The following TENM4 variants were observed in gnomAD, a reference collection of about 807,000 sequenced individuals.
TENM4 encodes the protein teneurin-4.
Under a neutral mutation model 243.3 loss-of-function variants are expected in TENM4, and 82 were observed. The ratio of observed to expected loss-of-function variants is 0.34; its 90% CI spans 0.28 to 0.40. The LOEUF (loss-of-function observed/expected upper bound fraction) is 0.40, where lower values mean the gene tolerates loss of function less well. Among genes scored for constraint, TENM4 ranks in the 10% least tolerant of loss-of-function variants. TENM4 has a pLI of 1.00. For synonymous variants in TENM4, 1,412 were observed against 1,456.3 expected (o/e 0.97, Z 0.69); for missense variants, 3,138 against 3,673.3 (o/e 0.85, Z 3.77).
Position 78,653,323 on chromosome 11 carries a change from G to A in TENM4, c.*4735C>T, listed in dbSNP as rs1356770119. ...CTTTATTTGTCAACGAAGGCTACAC[G>A]GGATCACTTCTGGTTTTGTTTTTAT... On this transcript the variant is annotated 3_prime_UTR_variant, in exon 34 of 34. Coordinates refer to ENST00000278550, the MANE Select transcript of TENM4 (RefSeq NM_001098816.3). The A allele has an allele frequency of 2.0e-5, 3 of 152,100 alleles. No homozygotes were observed. The highest frequency in any genetic ancestry group is 1.9e-4 in the East Asian group (1 of 5,202). 9.4% of individuals were successfully genotyped at this position (152,100 alleles called of 1,614,324 possible).
chr11:79,226,168 C>CTGCA (rs1307917623), intron 2 of TENM4, among the ~76,000 whole-genome samples: 1 of 152,218 alleles, frequency 6.6e-6, no homozygotes, highest in African/African-American at 2.4e-5. Context: ...CCAAACACAA[C>CTGCA]TGCATGCCTG....
chr11:78,868,982 A>G (rs1859056518), intron 9 of TENM4, among the ~76,000 whole-genome samples: 1 of 152,102 alleles, frequency 6.6e-6, no homozygotes, highest in Non-Finnish European at 1.5e-5. Context: ...ATGGTCCTCT[A>G]ATGGGGTGAA....
At chr11:78,931,507 T>C (rs1856668546) in intron 6 of TENM4, among the ~76,000 whole-genome samples, 2 of 152,194 alleles carry the variant, frequency 1.3e-5, no homozygotes, top group South Asian at 4.1e-4. Flanking sequence ...AAAAGTGAAG[T>C]CAGTAAATAT....
chr11:79,015,318 T>C (rs999089074), intron 6 of TENM4, among the ~76,000 whole-genome samples: 6 of 152,000 alleles, frequency 3.9e-5, no homozygotes, highest in African/African-American at 1.4e-4. Context: ...TCAAACACCT[T>C]TGCTGCACTG....
chr11:78,963,642 G>T (rs1450408327), intron 6 of TENM4, among the ~76,000 whole-genome samples: 2 of 152,116 alleles, frequency 1.3e-5, no homozygotes, highest in East Asian at 3.9e-4. Context: ...TGCAGGGTAG[G>T]GTGGGAAGCT....
At chr11:78,880,886 G>A (rs550368427) in intron 9 of TENM4, among the ~76,000 whole-genome samples, 20 of 152,282 alleles carry the variant, frequency 1.3e-4, no homozygotes, top group Non-Finnish European at 2.8e-4. Context: ...ATAGATGAGT[G>A]ATTGCCAGAG....
chr11:79,060,716 T>C (rs547322340), intron 6 of TENM4, among the ~76,000 whole-genome samples: 6 of 152,306 alleles, frequency 3.9e-5, no homozygotes, highest in Admixed American at 6.5e-5. Context: ...ACTCGCAGGC[T>C]ATTGTGTCTC....
At chr11:79,381,333 A>G (rs77225476) in intron 1 of TENM4, among the ~76,000 whole-genome samples, 5 of 46,478 alleles carry the variant, frequency 1.1e-4, no homozygotes, top group East Asian at 1.2e-3. Flanking sequence ...AATGGCCTGG[A>G]AAAAAAAAAA....
At chr11:78,731,429 G>A (rs1333026015) in intron 21 of TENM4, among the ~76,000 whole-genome samples, 1 of 152,220 alleles carries the variant, frequency 6.6e-6, no homozygotes, top group African/African-American at 2.4e-5. Flanking sequence ...ACGGAAAGGT[G>A]TTTGCTCAGC....
chr11:79,178,136 G>T (rs1863205713), intron 3 of TENM4, among the ~76,000 whole-genome samples: 1 of 152,160 alleles, frequency 6.6e-6, no homozygotes, highest in Admixed American at 6.5e-5. Flanking sequence ...GGATGTGAGA[G>T]AAAGGGGAGA....
At chr11:78,696,558 A>G (rs994418841) in intron 28 of TENM4, among the ~76,000 whole-genome samples, 3 of 152,164 alleles carry the variant, frequency 2.0e-5, no homozygotes, top group Non-Finnish European at 4.4e-5. Context: ...GGTTTGGGTT[A>G]ACCTAGGATT....
At chr11:79,075,522 T>C (rs1860518165) in intron 4 of TENM4, among the ~76,000 whole-genome samples, 1 of 152,244 alleles carries the variant, frequency 6.6e-6, no homozygotes, top group South Asian at 2.1e-4. Context: ...ATCATCATTA[T>C]TGTGTTGTTA....
At chr11:79,227,437 C>T (rs910631897) in intron 2 of TENM4, among the ~76,000 whole-genome samples, 10 of 152,182 alleles carry the variant, frequency 6.6e-5, no homozygotes, top group African/African-American at 1.7e-4. Context: ...GACTGATAAA[C>T]GTGCTGAGAA....
intron 2 of TENM4, among the ~76,000 whole-genome samples, chr11:79,292,375 G>A (rs979552270): frequency 3.9e-5 from 6 of 152,158 alleles, no homozygotes; most frequent in Admixed American, 2.6e-4. Context: ...GAGCTCAAAC[G>A]ACTGTACCTC....
chr11:79,157,783 T>C (rs1053177507), intron 3 of TENM4, among the ~76,000 whole-genome samples: 2 of 152,190 alleles, frequency 1.3e-5, no homozygotes, highest in Admixed American at 6.5e-5. Context: ...CTGTACTGTA[T>C]TGGTAAATTC....
chr11:79,090,909 A>G (rs1273121886), intron 4 of TENM4, among the ~76,000 whole-genome samples: 4 of 152,120 alleles, frequency 2.6e-5, no homozygotes, highest in Non-Finnish European at 5.9e-5. Flanking sequence ...GAAACAGATA[A>G]TCCCCATCCC....
At chr11:79,214,569 C>G (rs546784396) in intron 3 of TENM4, among the ~76,000 whole-genome samples, 26 of 152,340 alleles carry the variant, frequency 1.7e-4, no homozygotes, top group Admixed American at 3.9e-4. Flanking sequence ...AAGACAATTT[C>G]TCTAAGCCTC....
intron 13 of TENM4, among the ~76,000 whole-genome samples, chr11:78,813,240 G>A (rs188149786): frequency 8.9e-4 from 136 of 152,286 alleles, no homozygotes; most frequent in Admixed American, 1.8e-3. Context: ...TGTAGTTCAC[G>A]CAGCCTGGAA....
chr11:79,393,977 G>A (rs796352196), intron 1 of TENM4, among the ~76,000 whole-genome samples: 8 of 152,284 alleles, frequency 5.3e-5, no homozygotes, highest in African/African-American at 1.9e-4. Context: ...GACGAGAGGG[G>A]AGAAGAAGCC....
Sources: gnomAD v4.1 joint callset for allele counts (sites outside exome capture counted in the v4.1 genomes callset) on GRCh38, gnomAD v4.1.1 for gene constraint, MANE v1.5 for transcripts, NCBI Gene and HGNC (gene_info 2026-07-23, HGNC 2026-07-21) for gene names.